RBMS3: variants seen among roughly 807,000 people sequenced by gnomAD.
RBMS3 encodes RNA binding motif single stranded interacting protein 3, also known as RNA-binding motif, single-stranded-interacting protein 3.
A neutral mutation model predicts 66.8 loss-of-function variants in RBMS3; 27 were observed. That is an observed-to-expected ratio of 0.40 (90% CI 0.30 to 0.56). RBMS3 has a LOEUF of 0.56. Ranked by LOEUF, RBMS3 falls within the 20% of genes least tolerant of loss-of-function variation. RBMS3 has a pLI of 0.40. For missense variants in RBMS3, 513 were observed against 549.5 expected (o/e 0.93, Z 0.66); for synonymous variants, 188 against 183.0 (o/e 1.03, Z -0.22).
intron 2 of RBMS3, among the ~76,000 whole-genome samples, chr3:29,472,301 G>A (rs893572254): frequency 7.3e-5 from 11 of 151,450 alleles, no homozygotes; most frequent in Non-Finnish European, 1.5e-4. Flanking sequence ...CGGTTCAAGC[G>A]ATTCCCGCCT....
chr3:29,780,941 A>T (rs935986198), intron 6 of RBMS3, among the ~76,000 whole-genome samples: 2 of 152,114 alleles, frequency 1.3e-5, no homozygotes, highest in African/African-American at 4.8e-5. Flanking sequence ...ACTATGTTAA[A>T]ATATAGAACA....
intron 4 of RBMS3, among the ~76,000 whole-genome samples, chr3:29,632,801 A>G (rs1300447674): frequency 6.6e-6 from 1 of 151,906 alleles, no homozygotes; most frequent in East Asian, 1.9e-4. Context: ...CATTAAATCT[A>G]AGAGGTTTTC....
At chr3:29,861,767 T>A (rs558506133) in intron 6 of RBMS3, among the ~76,000 whole-genome samples, 59 of 152,394 alleles carry the variant, frequency 3.9e-4, no homozygotes, top group African/African-American at 1.4e-3. Flanking sequence ...GCATGTTTAA[T>A]ACAAAGTTTG....
At chr3:29,683,551 G>T (rs1011241533) in intron 4 of RBMS3, among the ~76,000 whole-genome samples, 3 of 152,104 alleles carry the variant, frequency 2.0e-5, no homozygotes, top group Admixed American at 2.0e-4. Flanking sequence ...TTTCTACCCA[G>T]TCTCATGCTA....
intron 10 of RBMS3, chr3:29,927,314 A>T (rs190951572): frequency 2.6e-5 from 4 of 152,328 alleles, no homozygotes; most frequent in African/African-American, 4.8e-5. Flanking sequence ...CATACCATTA[A>T]AGTCATCAGA....
At chr3:29,519,664 A>G (rs992092434) in intron 3 of RBMS3, among the ~76,000 whole-genome samples, 7 of 152,020 alleles carry the variant, frequency 4.6e-5, no homozygotes, top group African/African-American at 1.7e-4. Flanking sequence ...TGGCTTTCAC[A>G]CTTCCTGTCA....
intron 4 of RBMS3, chr3:29,731,123 G>C: frequency 1.4e-6 from 1 of 700,568 alleles, no homozygotes; most frequent in Middle Eastern, 7.2e-4. Flanking sequence ...AAGCCTTAAA[G>C]AATAGCCTAA....
At chr3:29,993,573 C>T (rs1344490313) in intron 14 of RBMS3, among the ~76,000 whole-genome samples, 1 of 152,136 alleles carries the variant, frequency 6.6e-6, no homozygotes, top group Non-Finnish European at 1.5e-5. Flanking sequence ...GGCTTCCATC[C>T]AATCAGTTAG....
At chr3:29,762,501 AAGGT>A (rs2055735649) in intron 5 of RBMS3, among the ~76,000 whole-genome samples, 1 of 152,148 alleles carries the variant, frequency 6.6e-6, no homozygotes, top group Non-Finnish European at 1.5e-5. Flanking sequence ...TCTTATTGGA[AAGGT>A]AGTTTATCTG....
intron 2 of RBMS3, among the ~76,000 whole-genome samples, chr3:29,475,589 T>G (rs952565993): frequency 2.0e-5 from 3 of 152,088 alleles, no homozygotes; most frequent in Non-Finnish European, 4.4e-5. Flanking sequence ...TTAAGAGTGG[T>G]TGGTCTTATC....
intron 5 of RBMS3, among the ~76,000 whole-genome samples, chr3:29,761,670 T>G (rs1576727124): frequency 1.3e-5 from 2 of 152,186 alleles, no homozygotes; most frequent in South Asian, 4.1e-4. Flanking sequence ...CTTGTTTCCT[T>G]TGCCATGTAA....
At chr3:29,700,060 C>T (rs768925601) in intron 4 of RBMS3, among the ~76,000 whole-genome samples, 61 of 152,166 alleles carry the variant, frequency 4.0e-4, no homozygotes, top group Non-Finnish European at 5.9e-4. Flanking sequence ...CTCTAAGAGA[C>T]TTTCTAAGGT....
chr3:29,333,711 T>G (rs978377813), intron 1 of RBMS3, among the ~76,000 whole-genome samples: 1 of 152,188 alleles, frequency 6.6e-6, no homozygotes, highest in Non-Finnish European at 1.5e-5. Context: ...GTTGCAGCAG[T>G]GCAATGAAGC....
At chr3:29,444,979 C>T (rs1272018102) in intron 2 of RBMS3, among the ~76,000 whole-genome samples, 1 of 151,172 alleles carries the variant, frequency 6.6e-6, no homozygotes, top group African/African-American at 2.4e-5. Flanking sequence ...CCTTCCCTCC[C>T]TACTCCCTAC....
intron 1 of RBMS3, among the ~76,000 whole-genome samples, chr3:29,329,088 T>G (rs2035503795): frequency 6.6e-6 from 1 of 152,160 alleles, no homozygotes; most frequent in Non-Finnish European, 1.5e-5. Flanking sequence ...GGTTCAGTGT[T>G]TAATGCCACT....
chr3:29,421,852 G>C (rs2040749962), intron 1 of RBMS3, among the ~76,000 whole-genome samples: 1 of 152,076 alleles, frequency 6.6e-6, no homozygotes, highest in African/African-American at 2.4e-5. Flanking sequence ...TTTTTACTTT[G>C]TATCATGAGA....
At chr3:29,975,287 A>T (rs1697509100) in intron 12 of RBMS3, among the ~76,000 whole-genome samples, 1 of 151,412 alleles carries the variant, frequency 6.6e-6, no homozygotes, top group Non-Finnish European at 1.5e-5. Flanking sequence ...TGATACATAC[A>T]TAGGAGTGTG....
chr3:29,421,077 C>T (rs2040707996), intron 1 of RBMS3, among the ~76,000 whole-genome samples: 1 of 151,660 alleles, frequency 6.6e-6, no homozygotes, highest in South Asian at 2.1e-4. Context: ...CGCGCCACTG[C>T]ACTCCAGCCT....
intron 1 of RBMS3, among the ~76,000 whole-genome samples, chr3:29,322,144 C>T (rs958109079): frequency 5.3e-5 from 8 of 151,676 alleles, no homozygotes; most frequent in Admixed American, 1.3e-4. Context: ...TTTTCATTTC[C>T]GTCCTTCCCA....
Sources: gnomAD v4.1 joint callset for allele counts (sites outside exome capture counted in the v4.1 genomes callset) on GRCh38, gnomAD v4.1.1 for gene constraint, MANE v1.5 for transcripts, NCBI Gene and HGNC (gene_info 2026-07-23, HGNC 2026-07-21) for gene names.